Variants in CD200R1 observed in about 807,000 individuals in gnomAD.
The protein encoded by CD200R1 is CD200 receptor 1, also known as cell surface glycoprotein CD200 receptor 1.
In CD200R1, 30 loss-of-function variants were observed where a neutral mutation model predicts 38.1. The ratio of observed to expected loss-of-function variants is 0.79; its 90% CI spans 0.59 to 1.07. The LOEUF is 1.07. Ranked by LOEUF, CD200R1 falls within the 50% of genes least tolerant of loss-of-function variation. CD200R1 has a pLI of 0.00. For synonymous variants in CD200R1, 128 were observed against 152.1 expected, an observed-to-expected ratio of 0.84 and a Z score of 1.16; for missense variants, 372 against 415.4, an observed-to-expected ratio of 0.90 and a Z score of 0.91.
At position 112,924,538 on chromosome 3, in the gene CD200R1, A is replaced by G; in HGVS notation, c.879-3T>C. The G allele has an allele frequency of 8.2e-7, 1 of 1,215,468 alleles. No homozygotes were observed. 75.3% of individuals were successfully genotyped at this position (1,215,468 alleles called of 1,614,324 possible). ...CTGTTTTATTCAATTTATATTTTCTATAAAAATAAAATAAATTGAAGTGAA... is the reference window on the plus strand; with the variant it reads ...CTGTTTTATTCAATTTATATTTTCTGTAAAAATAAAATAAATTGAAGTGAA... On this transcript the variant is annotated splice_region_variant and splice_polypyrimidine_tract_variant and intron_variant, in intron 6 of 7. Coordinates refer to ENST00000308611, the MANE Select transcript of CD200R1 (RefSeq NM_138806.4).
chr3:112,941,754 T>C (rs1232778776), intron 2 of CD200R1, among the ~76,000 whole-genome samples: 1 of 151,288 alleles, frequency 6.6e-6, no homozygotes, highest in Non-Finnish European at 1.5e-5. Flanking sequence ...GCAGAATAAA[T>C]GCCAAAAATA....
intron 2 of CD200R1, among the ~76,000 whole-genome samples, chr3:112,932,342 C>T (rs775591942): frequency 1.2e-4 from 19 of 152,134 alleles, no homozygotes; most frequent in Non-Finnish European, 1.9e-4. Flanking sequence ...CCCACACTTC[C>T]AGCCAGAGAA....
intron 1 of CD200R1, among the ~76,000 whole-genome samples, chr3:112,973,026 T>C (rs747537351): frequency 6.6e-6 from 1 of 152,208 alleles, no homozygotes; most frequent in South Asian, 2.1e-4. Flanking sequence ...AACATAAGCA[T>C]AGACTTCATA....
At position 112,928,690 on chromosome 3, in the gene CD200R1, G is replaced by A. The variant is rs1940336577; in HGVS notation, c.769+126C>T. On this transcript the variant is annotated intron_variant, in intron 5 of 7. Coordinates refer to ENST00000308611, the MANE Select transcript of CD200R1 (RefSeq NM_138806.4). Reference sequence around the variant, plus strand: ...CAACTCATCTCTTTATTTTGGTCAGGGAAGAGATAAAAATGAAGAGTGGGG... The same window carrying A: ...CAACTCATCTCTTTATTTTGGTCAGAGAAGAGATAAAAATGAAGAGTGGGG... 5 of 720,278 alleles carry A rather than the reference G, an allele frequency of 6.9e-6. No homozygotes were observed. The South Asian group carries it at 9.8e-5, about 14-fold the overall frequency. The allele number at this position is 720,278 out of a possible 1,614,324, so 44.6% of individuals were successfully genotyped here. A position where few individuals can be genotyped will look rare whatever the true frequency, so the allele number is the denominator to read the frequency against.
intron 1 of CD200R1, among the ~76,000 whole-genome samples, chr3:112,960,410 T>C (rs1003826095): frequency 2.0e-5 from 3 of 152,090 alleles, no homozygotes; most frequent in Non-Finnish European, 4.4e-5. Context: ...AAAATCATGT[T>C]TGTTACTTAT....
At chr3:112,957,174 C>A (rs891755623) in intron 1 of CD200R1, among the ~76,000 whole-genome samples, 1 of 152,118 alleles carries the variant, frequency 6.6e-6, no homozygotes. Context: ...AAACTGACGT[C>A]CTCTTCAATA....
chr3:112,947,373 A>G (rs2107323727), intron 2 of CD200R1, among the ~76,000 whole-genome samples: 1 of 152,282 alleles, frequency 6.6e-6, no homozygotes, highest in Non-Finnish European at 1.5e-5. Context: ...GAGGCTTTGC[A>G]CATGTGGGGG....
chr3:112,970,349 TG>T (rs1386506676), intron 1 of CD200R1, among the ~76,000 whole-genome samples: 2 of 152,108 alleles, frequency 1.3e-5, no homozygotes, highest in Non-Finnish European at 2.9e-5. Context: ...CATTTCTTCC[TG>T]GGGGGAAAAA....
chr3:112,941,490 G>A (rs772284815), intron 2 of CD200R1, among the ~76,000 whole-genome samples: 11 of 151,466 alleles, frequency 7.3e-5, no homozygotes, highest in Non-Finnish European at 1.0e-4. Context: ...ACAGAGATGA[G>A]AGCCCTCATC....
At chr3:112,957,110 T>C (rs374829020) in intron 1 of CD200R1, among the ~76,000 whole-genome samples, 3 of 152,184 alleles carry the variant, frequency 2.0e-5, no homozygotes, top group African/African-American at 7.2e-5. Flanking sequence ...TACACAGTAT[T>C]TCTCATCACA....
Position 112,966,402 on chromosome 3 carries a change from A to G in CD200R1, c.67+8389T>C, listed in dbSNP as rs190642777. Among the ~76,000 whole-genome samples, 16 of 152,332 alleles carry G rather than the reference A, an allele frequency of 1.1e-4. No homozygotes were observed. In the East Asian group the frequency reaches 2.5e-3, roughly 24 times the overall value. On this transcript the variant is annotated intron_variant, in intron 1 of 7. Coordinates refer to ENST00000308611, the MANE Select transcript of CD200R1 (RefSeq NM_138806.4). ...GGTTTAGAACCATCCCTGGGGAACA[A>G]CTAGGGAAGAGCCAATTAAAGATAA...
chr3:112,948,957 T>G (rs1940921191), intron 1 of CD200R1, among the ~76,000 whole-genome samples: 1 of 152,190 alleles, frequency 6.6e-6, no homozygotes, highest in African/African-American at 2.4e-5. Flanking sequence ...TATAGAAGTT[T>G]AAAAGAAGAG....
chr3:112,931,139 T>C lies in CD200R1; in HGVS notation c.169A>G (p.Ile57Val), dbSNP rs1277271947. 6.2e-7 allele frequency: 1 copy of C among 1,610,946 alleles called. No homozygotes were observed. Residue 57 changes from isoleucine to valine, a missense_variant, in exon 3 of 8, where the codon ATT (isoleucine) becomes GTT (valine). By Grantham distance (29) the Ile-to-Val change is conservative. Transcript: ENST00000308611. The stretch of plus-strand genomic sequence containing the variant: ...AGTACTTTCGAGTAGTTCTGTGTAA[T>C]CTGTTTTTCATCCATACATAAACTG... ...SSSLCMDEKQITQNYSKVLAE... is the reference protein window; with the variant it reads ...SSSLCMDEKQVTQNYSKVLAE...
intron 1 of CD200R1, among the ~76,000 whole-genome samples, chr3:112,966,937 T>C (rs1933180106): frequency 6.6e-6 from 1 of 152,166 alleles, no homozygotes; most frequent in Admixed American, 6.5e-5. Context: ...AAACTGCAAT[T>C]TTCAAGGTCA....
At chr3:112,965,743 G>C (rs992221113) in intron 1 of CD200R1, among the ~76,000 whole-genome samples, 1 of 151,960 alleles carries the variant, frequency 6.6e-6, no homozygotes, top group Non-Finnish European at 1.5e-5. Flanking sequence ...CCTGGCGACA[G>C]AGTGAGACTC....
In CD200R1 at chr3:112,921,639, A is replaced by G. The variant is rs1344516338; in HGVS notation, c.*2038T>C. ...TCCTGGATGACCTTGCTGACACGCC[A>G]GGTCTAATCTCTAGATTCTCTAATT... On this transcript the variant is annotated 3_prime_UTR_variant, in exon 8 of 8. Coordinates refer to ENST00000308611, the MANE Select transcript of CD200R1 (RefSeq NM_138806.4). 1 of 152,080 alleles carries G rather than the reference A, an allele frequency of 6.6e-6. No individual in the cohort carries two copies. Among genetic ancestry groups the G allele is most frequent in the African/African-American group, 2.4e-5 (1 of 41,444 alleles). The allele number at this position is 152,080 out of a possible 1,614,324, so 9.4% of individuals were successfully genotyped here. A position where few individuals can be genotyped will look rare whatever the true frequency, so the allele number is the denominator to read the frequency against.
chr3:112,947,943 A>C lies in CD200R1; in HGVS notation c.68-19T>G. The C allele has an allele frequency of 6.5e-7, 1 of 1,544,110 alleles. No individual in the cohort carries two copies. Among genetic ancestry groups the C allele is most frequent in the Non-Finnish European group, 9.0e-7 (1 of 1,116,408 alleles). ...TCCGCTTCTGAATTTTGAAAAAGAC[A>C]TAGGGGGTAGAGAGAGAAATATGCA... is the stretch of plus-strand genomic sequence containing the variant. On this transcript the variant is annotated intron_variant, in intron 1 of 7. Transcript: ENST00000308611.
Position 112,923,209 on chromosome 3 carries a change from G to A in CD200R1, c.*468C>T, listed in dbSNP as rs1291228249. On this transcript the variant is annotated 3_prime_UTR_variant, in exon 8 of 8. Coordinates refer to ENST00000308611, the MANE Select transcript of CD200R1 (RefSeq NM_138806.4). Reference sequence around the variant, plus strand: ...ATTAGGTTTTCATATGTATAGAACAGTAATGCAGTGTATTGTTCCCACTGG... The same window carrying A: ...ATTAGGTTTTCATATGTATAGAACAATAATGCAGTGTATTGTTCCCACTGG... 4 of 152,430 alleles carry A rather than the reference G, an allele frequency of 2.6e-5. No homozygotes were observed. Among genetic ancestry groups the A allele is most frequent in the Admixed American group, 2.6e-4 (4 of 15,256 alleles). 9.4% of individuals were successfully genotyped at this position (152,430 alleles called of 1,614,324 possible).
At chr3:112,961,953 A>C (rs1933030033) in intron 1 of CD200R1, among the ~76,000 whole-genome samples, 1 of 152,182 alleles carries the variant, frequency 6.6e-6, no homozygotes, top group South Asian at 2.1e-4. Flanking sequence ...AAACATACAG[A>C]TGGGTTATAA....
Sources: allele counts gnomAD v4.1 joint callset (sites outside exome capture counted in the v4.1 genomes callset), GRCh38; gene constraint gnomAD v4.1.1; transcripts MANE v1.5; gene names NCBI Gene and HGNC (gene_info 2026-07-23, HGNC 2026-07-21).